SAMD14: variants seen among roughly 807,000 people sequenced by gnomAD.
SAMD14 encodes the protein sterile alpha motif domain containing 14.
A neutral mutation model predicts 46.2 loss-of-function variants in SAMD14; 27 were observed. The ratio of observed to expected loss-of-function variants is 0.58; its 90% CI spans 0.43 to 0.81. The LOEUF (loss-of-function observed/expected upper bound fraction) is 0.81. Ranked by LOEUF, SAMD14 falls within the 30% of genes least tolerant of loss-of-function variation. The probability of loss-of-function intolerance (pLI) is 0.00; values close to 1 mark genes in which losing one functional copy is unlikely to be tolerated. For missense variants in SAMD14, 559 were observed against 582.2 expected (o/e 0.96, Z 0.41); for synonymous variants, 241 against 254.3 (o/e 0.95, Z 0.50).
At chr17:50,116,234 A>T (rs1911192975) in intron 4 of SAMD14, 144 bp from the exon 5 acceptor site, 1 of 1,308,766 alleles carries the variant, frequency 7.6e-7, no homozygotes, top group East Asian at 2.5e-5. Context: ...GTGTCCTAGG[A>T]TAAGCCACTT....
chr17:50,124,770 C>CGT, intron 2 of SAMD14, 147 bp downstream of exon 2: 2 of 735,580 alleles, frequency 2.7e-6, no homozygotes, highest in Admixed American at 2.3e-5. Flanking sequence ...CACGCGCGCG[C>CGT]GCACACACAC....
At position 50,129,770 on chromosome 17, in the gene SAMD14, G is replaced by C. The variant is rs1011424631; in HGVS notation, c.-266C>G. ...CGCTGGAAGCAGGAGGCGCGGGCGG[G>C]GCTGGACCAGGAGACCTGACGGGAG... On this transcript the variant is annotated 5_prime_UTR_variant, in exon 1 of 10. Transcript: ENST00000330175. The surrounding 1 kb of genome is among the most constrained non-coding windows in gnomAD (Gnocchi z 5.6). The C allele has an allele frequency of 1.3e-5, 2 of 153,876 alleles. No individual in the cohort carries two copies. The highest frequency in any genetic ancestry group is 1.4e-5 in the Non-Finnish European group (1 of 69,464). 9.5% of individuals were successfully genotyped at this position (153,876 alleles called of 1,614,324 possible).
At chr17:50,113,127 C>T (rs900323707) in intron 9 of SAMD14, 79 bp from the exon 10 acceptor site, 35 of 1,537,956 alleles carry the variant, frequency 2.3e-5, no homozygotes, top group Non-Finnish European at 2.9e-5. Flanking sequence ...CTCCTTTTGC[C>T]CCAGGTGTAC....
chr17:50,110,274 A>C lies in SAMD14; in HGVS notation c.*2619T>G, dbSNP rs1220369712. 2 of 588,344 alleles carry C rather than the reference A, an allele frequency of 3.4e-6. No homozygotes were observed. Among genetic ancestry groups the C allele is most frequent in the Non-Finnish European group, 5.4e-6 (2 of 373,040 alleles). 36.4% of individuals were successfully genotyped at this position (588,344 alleles called of 1,614,324 possible). A position where few individuals can be genotyped will look rare whatever the true frequency, so the allele number is the denominator to read the frequency against. ...TGTGATGGTCCCTAAGTGCCAGTCC[A>C]TCTCTGTGGAGACCCCTCGGTGGCC... is the stretch of plus-strand genomic sequence containing the variant. On this transcript the variant is annotated 3_prime_UTR_variant, in exon 10 of 10. Coordinates refer to ENST00000330175, the MANE Select transcript of SAMD14 (RefSeq NM_001257359.2).
In SAMD14 at chr17:50,129,827, C is replaced by CGT. The variant is rs966142322; in HGVS notation, c.-325_-324dup. On this transcript the variant is annotated 5_prime_UTR_variant, in exon 1 of 10. Transcript: ENST00000330175. The surrounding 1 kb of genome is among the most constrained non-coding windows in gnomAD (Gnocchi z 5.6). ...CCGTGTGTGTGTGCGTGTGCGTGTG[C>CGT]GTGTGTGTGTGTGTGACAGAGAGAG... 17 of 148,918 alleles carry CGT rather than the reference C, an allele frequency of 1.1e-4. No homozygotes were observed. The highest frequency in any genetic ancestry group is 2.3e-4 in the African/African-American group (9 of 39,458). The allele number at this position is 148,918 out of a possible 1,614,324, so 9.2% of individuals were successfully genotyped here.
chr17:50,115,660 C>G lies in SAMD14; in HGVS notation c.726G>C (p.Thr242=). The G allele has an allele frequency of 3.1e-6, 5 of 1,608,606 alleles. No individual in the cohort carries two copies. The highest frequency in any genetic ancestry group is 1.3e-5 in the African/African-American group (1 of 74,980). The change falls in exon 7 of 10, where the codon ACG becomes ACC. Residue 242 remains threonine (T), a synonymous_variant. Coordinates refer to ENST00000330175, the MANE Select transcript of SAMD14 (RefSeq NM_001257359.2). The surrounding 1 kb of genome is among the most constrained non-coding windows in gnomAD (Gnocchi z 5.3). ...GSPFLPFSWF[T]DSGKGSASSG... is the part of the protein sequence containing the mutation. ...AGGATGCTGAGCCCTTGCCGCTGTC[C>G]GTGAACCAGGAAAAAGGCAGGAACG...
In SAMD14 at chr17:50,117,476, A is replaced by G. The variant is rs1329545416; in HGVS notation, c.430T>C (p.Ser144Pro). Residue 144 changes from serine to proline, a missense_variant, in exon 4 of 10, where the codon TCC becomes CCC. Ser to Pro is a moderately conservative substitution (Grantham distance 74). Coordinates refer to ENST00000330175, the MANE Select transcript of SAMD14 (RefSeq NM_001257359.2). ...LAAASCSPPR[S>P]APSSDSSPSF... is the part of the protein sequence containing the mutation. ...GGGGAGCTGTCGGAGGAGGGCGCGGAGCGCGGCGGAGAGCAGGAGGCGGCG... is the reference window on the plus strand; with the variant it reads ...GGGGAGCTGTCGGAGGAGGGCGCGGGGCGCGGCGGAGAGCAGGAGGCGGCG... The G allele has an allele frequency of 2.1e-6, 3 of 1,404,696 alleles. No homozygotes were observed. The highest frequency in any genetic ancestry group is 2.8e-6 in the Non-Finnish European group (3 of 1,087,282). 87.0% of individuals were successfully genotyped at this position (1,404,696 alleles called of 1,614,324 possible).
chr17:50,113,172 C>G, intron 9 of SAMD14, 124 bp from the exon 10 acceptor site: 1 of 1,104,898 alleles, frequency 9.1e-7, no homozygotes, highest in Non-Finnish European at 1.3e-6. Context: ...GGAGTGGAGC[C>G]TCCGCCTCCC....
intron 3 of SAMD14, 186 bp from the exon 4 acceptor site, chr17:50,117,881 A>G: frequency 1.5e-6 from 1 of 681,842 alleles, no homozygotes; most frequent in Non-Finnish European, 2.2e-6. Context: ...TTTGAGTCAC[A>G]CAGGCTGGGG....
chr17:50,118,338 G>C lies in SAMD14; in HGVS notation c.44-11C>G, dbSNP rs752937234. The C allele has an allele frequency of 3.7e-6, 6 of 1,610,284 alleles. No homozygotes were observed. Among genetic ancestry groups the C allele is most frequent in the South Asian group, 1.1e-5 (1 of 91,024 alleles). On this transcript the variant is annotated splice_polypyrimidine_tract_variant and intron_variant, in intron 2 of 9. Coordinates refer to ENST00000330175, the MANE Select transcript of SAMD14 (RefSeq NM_001257359.2). ...CAGCCAAGTCCAGGTCTGCGAACCG[G>C]GGGAGGGGAGCAGAGACCAGACACA...
intron 3 of SAMD14, 115 bp downstream of exon 3, chr17:50,118,046 G>T: frequency 8.7e-7 from 1 of 1,154,696 alleles, no homozygotes. Context: ...GCATTACTAG[G>T]TCAGGAGTCT....
rs1330060215 is a variant in SAMD14 at position 50,117,408 on chromosome 17, T to C, written c.498A>G (p.Glu166=). 1.5e-6 allele frequency: 2 copies of C among 1,316,376 alleles called. No homozygotes were observed. The highest frequency in any genetic ancestry group is 1.9e-6 in the Non-Finnish European group (2 of 1,036,446). 81.5% of individuals were successfully genotyped at this position (1,316,376 alleles called of 1,614,324 possible). ...GGTGCGGCGCTGGCCGCCTCTCACCTTCGCTGTGCGGCTCTGCGCGCGGGT... is the reference window on the plus strand; with the variant it reads ...GGTGCGGCGCTGGCCGCCTCTCACCCTCGCTGTGCGGCTCTGCGCGCGGGT... ...RRHPRAEPHS[E]DDSRDASPPE... is the part of the protein sequence containing the mutation. The change falls in exon 4 of 10, where the codon GAA becomes GAG. Residue 166 remains glutamate, a splice_region_variant and synonymous_variant. Transcript: ENST00000330175.
At chr17:50,117,982 C>A (rs1198875578) in intron 3 of SAMD14, 179 bp downstream of exon 3, 5 of 743,758 alleles carry the variant, frequency 6.7e-6, no homozygotes, top group Non-Finnish European at 1.0e-5. Flanking sequence ...CTAATAATAT[C>A]TTCTTTACAC....
Position 50,117,396 on chromosome 17 carries a change from C to T in SAMD14, c.499+11G>A, listed in dbSNP as rs1397202022. On this transcript the variant is annotated intron_variant, in intron 4 of 9. Coordinates refer to ENST00000330175, the MANE Select transcript of SAMD14 (RefSeq NM_001257359.2). ...CGACCAGCAGGAGGTGCGGCGCTGG[C>T]CGCCTCTCACCTTCGCTGTGCGGCT... The T allele has an allele frequency of 3.9e-6, 5 of 1,297,022 alleles. No individual in the cohort carries two copies. The highest frequency in any genetic ancestry group is 4.9e-6 in the Non-Finnish European group (5 of 1,025,046). The allele number at this position is 1,297,022 out of a possible 1,614,324, so 80.3% of individuals were successfully genotyped here. A position where few individuals can be genotyped will look rare whatever the true frequency, so the allele number is the denominator to read the frequency against.
intron 2 of SAMD14, chr17:50,124,186 A>G (rs1222439868): frequency 2.2e-6 from 1 of 456,046 alleles, no homozygotes; most frequent in East Asian, 7.0e-5. Flanking sequence ...CATGCTGGGA[A>G]CTCTGCCCAG....
At chr17:50,117,103 G>A (rs769899249) in intron 4 of SAMD14, among the ~76,000 whole-genome samples, 2 of 152,186 alleles carry the variant, frequency 1.3e-5, no homozygotes, top group Non-Finnish European at 2.9e-5. Context: ...CTCCATCTCG[G>A]CCTCCCAAGG....
Position 50,115,666 on chromosome 17 carries a change from C to A in SAMD14, c.720G>T (p.Trp240Cys). 6.2e-7 allele frequency: 1 copy of A among 1,608,828 alleles called. No homozygotes were observed. The highest frequency in any genetic ancestry group is 8.5e-7 in the Non-Finnish European group (1 of 1,176,706). Residue 240 changes from tryptophan (W) to cysteine (C), a missense_variant, in exon 7 of 10, where the codon TGG (tryptophan) becomes TGT (cysteine). Coordinates refer to ENST00000330175, the MANE Select transcript of SAMD14 (RefSeq NM_001257359.2). The surrounding 1 kb of genome is among the most constrained non-coding windows in gnomAD (Gnocchi z 5.3). ...SGGSPFLPFSWFTDSGKGSAS... is the reference protein window; with the variant it reads ...SGGSPFLPFSCFTDSGKGSAS... ...CTGAGCCCTTGCCGCTGTCCGTGAA[C>A]CAGGAAAAAGGCAGGAACGGGGAGC...
intron 4 of SAMD14, 189 bp from the exon 5 acceptor site, chr17:50,116,279 GATA>G (rs1233726124): frequency 1.3e-6 from 1 of 789,558 alleles, no homozygotes; most frequent in Admixed American, 3.0e-5. Flanking sequence ...TAAATATGGG[GATA>G]ATAACATCTA....
Position 50,115,893 on chromosome 17 carries a change from C to T in SAMD14, c.599G>A (p.Arg200His), listed in dbSNP as rs761980026. The change falls in exon 6 of 10, where the codon CGC becomes CAC. Residue 200 changes from arginine to histidine, a missense_variant. Arg to His is a conservative substitution (Grantham distance 29). Coordinates refer to ENST00000330175, the MANE Select transcript of SAMD14 (RefSeq NM_001257359.2). The surrounding 1 kb of genome is among the most constrained non-coding windows in gnomAD (Gnocchi z 5.3). ...RKFLDLGVTL[R>H]RASTGKSRKE... ...CCGGCTCTTGCCCGTGGATGCTCGG[C>T]GCAGGGTGACCCTGTGGGGAGGCAG... The T allele has an allele frequency of 2.7e-5, 44 of 1,613,114 alleles. No individual in the cohort carries two copies. Among genetic ancestry groups the T allele is most frequent in the African/African-American group, 5.3e-5 (4 of 74,918 alleles).
Sources: gnomAD v4.1 joint callset for allele counts (sites outside exome capture counted in the v4.1 genomes callset) on GRCh38, gnomAD v4.1.1 for gene constraint, Gnocchi (gnomAD v3.1) non-coding constraint, MANE v1.5 for transcripts, NCBI Gene and HGNC (gene_info 2026-07-23, HGNC 2026-07-21) for gene names.